CNGA1: variants seen among roughly 807,000 people sequenced by gnomAD.
CNGA1 encodes the protein cyclic nucleotide gated channel subunit alpha 1, also known as cyclic nucleotide-gated channel alpha-1.
In CNGA1, 53 loss-of-function variants were observed where a neutral mutation model predicts 69.7. That is an observed-to-expected ratio of 0.76 (90% CI 0.61 to 0.96). The LOEUF is 0.96. Ranked by LOEUF, CNGA1 falls within the 40% of genes least tolerant of loss-of-function variation. The pLI, the probability that CNGA1 is intolerant of heterozygous loss-of-function variation, is 0.00. For synonymous variants in CNGA1, 249 were observed against 283.5 expected (o/e 0.88, Z 1.22); for missense variants, 739 against 811.2 (o/e 0.91, Z 1.08).
intron 2 of CNGA1, among the ~76,000 whole-genome samples, chr4:48,004,925 G>T (rs1018525971): frequency 6.6e-6 from 1 of 152,000 alleles, no homozygotes; most frequent in Non-Finnish European, 1.5e-5. Flanking sequence ...TATTTTGAAG[G>T]CTTGTAGCCA....
intron 2 of CNGA1, among the ~76,000 whole-genome samples, chr4:48,005,564 T>A (rs1183593024): frequency 6.6e-6 from 1 of 152,236 alleles, no homozygotes; most frequent in Non-Finnish European, 1.5e-5. Flanking sequence ...AACCCAGCCA[T>A]GGATTTGTAC....
chr4:47,970,437 G>C (rs1302310218), intron 3 of CNGA1, among the ~76,000 whole-genome samples: 1 of 151,924 alleles, frequency 6.6e-6, no homozygotes, highest in African/African-American at 2.4e-5. Flanking sequence ...GATCACCTGA[G>C]GTCGGGATTT....
intron 4 of CNGA1, among the ~76,000 whole-genome samples, chr4:47,952,017 A>C (rs1028523425): frequency 7.2e-5 from 11 of 152,208 alleles, no homozygotes; most frequent in African/African-American, 2.4e-4. Context: ...TGACTAAAGA[A>C]ATGTTTGGCA....
At chr4:47,970,650 T>TAAAA (rs35223454) in intron 3 of CNGA1, among the ~76,000 whole-genome samples, 4 of 141,294 alleles carry the variant, frequency 2.8e-5, no homozygotes, top group Admixed American at 7.1e-5. Context: ...AAAACTCCAT[T>TAAAA]AAAAAAAAAA....
rs115002878 is a variant in CNGA1, at chr4:47,971,608, G to A, written c.-15+9785C>T. On this transcript the variant is annotated intron_variant, in intron 3 of 10. Coordinates refer to ENST00000514170, the MANE Select transcript of CNGA1 (RefSeq NM_001379270.1). ...ATATTTAAAGTTCTTTTAAAAAACC[G>A]TGGCCAGGCACGGTGGCTCACGCTT... Among the ~76,000 whole-genome samples the A allele has an allele frequency of 7.3e-3, 1,114 of 152,122 alleles. 8 individuals are homozygous for A. The highest frequency in any genetic ancestry group is 0.025 in the African/African-American group (1,050 of 41,480).
intron 3 of CNGA1, among the ~76,000 whole-genome samples, chr4:47,974,078 A>AGAT (rs1741205392): frequency 1.0e-5 from 1 of 95,552 alleles, no homozygotes; most frequent in South Asian, 3.4e-4. Flanking sequence ...CTAGATAGAT[A>AGAT]GATAGATAGA....
intron 6 of CNGA1, among the ~76,000 whole-genome samples, chr4:47,944,341 G>A (rs915449396): frequency 6.6e-6 from 1 of 152,196 alleles, no homozygotes; most frequent in Non-Finnish European, 1.5e-5. Flanking sequence ...CAAGTGAGGT[G>A]AGGCTTAACA....
intron 3 of CNGA1, among the ~76,000 whole-genome samples, chr4:47,969,457 G>GT (rs1282687571): frequency 1.3e-5 from 2 of 151,992 alleles, no homozygotes; most frequent in Admixed American, 1.3e-4. Context: ...TTTTTTGTTT[G>GT]TTTTTTGTTT....
chr4:48,006,192 C>T (rs1656117632), intron 2 of CNGA1, among the ~76,000 whole-genome samples: 1 of 152,082 alleles, frequency 6.6e-6, no homozygotes, highest in Non-Finnish European at 1.5e-5. Context: ...ATTCTGATGT[C>T]ACAATCTCCA....
intron 3 of CNGA1, chr4:47,971,044 G>A (rs940667680): frequency 2.2e-6 from 1 of 454,906 alleles, no homozygotes; most frequent in Non-Finnish European, 4.4e-6. Flanking sequence ...GGTGAAGACT[G>A]CAGTGAGCCG....
At chr4:48,014,957 G>A (rs1715312954) in intron 1 of CNGA1, among the ~76,000 whole-genome samples, 1 of 152,088 alleles carries the variant, frequency 6.6e-6, no homozygotes, top group African/African-American at 2.4e-5. Context: ...CGGATCACGA[G>A]GTCAGGAGAT....
intron 2 of CNGA1, among the ~76,000 whole-genome samples, chr4:47,984,647 AATAT>A (rs1553868840): frequency 1.6e-5 from 1 of 64,500 alleles, no homozygotes; most frequent in South Asian, 5.6e-4. Context: ...AAATAAAAAA[AATAT>A]ATATATATAT....
At chr4:47,959,669 G>A (rs7697127) in intron 3 of CNGA1, among the ~76,000 whole-genome samples, 15,868 of 152,066 alleles carry the variant, frequency 0.1, 1,303 homozygotes, top group East Asian at 0.31. Flanking sequence ...GTGCAGTGGC[G>A]CCATCTCGGC....
Position 47,991,998 on chromosome 4 carries a change from G to A in CNGA1, c.-122-10498C>T, listed in dbSNP as rs186715551. 3.8e-3 allele frequency among the ~76,000 whole-genome samples: 582 copies of A among 152,070 alleles called. 5 individuals carry two copies. The highest frequency in any genetic ancestry group is 0.011 in the South Asian group (54 of 4,810). ...CTGCAAGTATTTAGGCTTATTTCTG[G>A]GTTTTCTATTCTGTTCCATTGGTCT... On this transcript the variant is annotated intron_variant, in intron 2 of 10. Coordinates refer to ENST00000514170, the MANE Select transcript of CNGA1 (RefSeq NM_001379270.1).
intron 3 of CNGA1, among the ~76,000 whole-genome samples, chr4:47,959,927 TTGGA>T (rs370674207): frequency 0.02 from 3,012 of 152,232 alleles, 123 homozygotes; most frequent in African/African-American, 0.069. Flanking sequence ...TCGCGATGCA[TTGGA>T]TATCATCAAA....
At chr4:47,980,858 A>G (rs1211647511) in intron 3 of CNGA1, among the ~76,000 whole-genome samples, 1 of 117,022 alleles carries the variant, frequency 8.5e-6, no homozygotes, top group African/African-American at 2.9e-5. Context: ...TAGCTCCTTC[A>G]TAGAGTAGTA....
At chr4:47,963,037 A>T (rs1740544814) in intron 3 of CNGA1, among the ~76,000 whole-genome samples, 1 of 151,928 alleles carries the variant, frequency 6.6e-6, no homozygotes, top group African/African-American at 2.4e-5. Flanking sequence ...GGCTCACTAC[A>T]GCCTCAAACT....
At chr4:47,983,106 A>T (rs1741808153) in intron 2 of CNGA1, among the ~76,000 whole-genome samples, 1 of 152,178 alleles carries the variant, frequency 6.6e-6, no homozygotes, top group Non-Finnish European at 1.5e-5. Flanking sequence ...GCCCAGCCTC[A>T]AAATGAATAT....
intron 3 of CNGA1, among the ~76,000 whole-genome samples, chr4:47,976,328 T>C (rs1378317769): frequency 7.7e-5 from 2 of 25,960 alleles, no homozygotes; most frequent in African/African-American, 1.6e-4. Context: ...TATATGTATA[T>C]ATATATATAC....
Sources: gnomAD v4.1 joint callset for allele counts (sites outside exome capture counted in the v4.1 genomes callset) on GRCh38, gnomAD v4.1.1 for gene constraint, MANE v1.5 for transcripts, NCBI Gene and HGNC (gene_info 2026-07-23, HGNC 2026-07-21) for gene names.